The following TBC1D5 variants were observed in gnomAD, a reference collection of about 807,000 sequenced individuals.
TBC1D5 encodes TBC1 domain family, member 5.
Under a neutral mutation model 100.3 loss-of-function variants are expected in TBC1D5, and 75 were observed. The observed-to-expected ratio is 0.75, with a 90% confidence interval of 0.62 to 0.91. TBC1D5 has a LOEUF of 0.91. Among genes scored for constraint, TBC1D5 ranks in the 40% least tolerant of loss-of-function variants. TBC1D5 has a pLI of 0.00. For missense variants in TBC1D5, 910 were observed against 942.4 expected (o/e 0.97, Z 0.45); for synonymous variants, 323 against 325.6 (o/e 0.99, Z 0.09).
chr3:17,682,260 GAAA>G (rs543776515), intron 1 of TBC1D5, among the ~76,000 whole-genome samples: 87 of 151,026 alleles, frequency 5.8e-4, no homozygotes, highest in Non-Finnish European at 1.0e-3. Context: ...CCCATCTCTA[GAAA>G]AATAAAATAA....
chr3:17,455,192 GTATA>G lies in TBC1D5; in HGVS notation c.98-26677_98-26674del, dbSNP rs906425147. On this transcript the variant is annotated intron_variant, in intron 3 of 21. Transcript: ENST00000253692. Reference sequence around the variant, plus strand: ...CACACACACACACACACGTGTGTGTGTATATATATGTATATATGTATACATATAT... The same window carrying G: ...CACACACACACACACACGTGTGTGTGTATATGTATATATGTATACATATAT... 3.5e-5 allele frequency among the ~76,000 whole-genome samples: 5 copies of G among 141,902 alleles called. No homozygotes were observed. In the South Asian group the frequency reaches 1.1e-3, roughly 31 times the overall value. The allele number at this position is 141,902 out of a possible 152,430, so 93.1% of individuals were successfully genotyped here. A position where few individuals can be genotyped will look rare whatever the true frequency, so the allele number is the denominator to read the frequency against.
chr3:17,253,982 C>T (rs534866043), intron 16 of TBC1D5, among the ~76,000 whole-genome samples: 38 of 152,262 alleles, frequency 2.5e-4, no homozygotes, highest in Middle Eastern at 3.4e-3. Flanking sequence ...CTTAAGTACA[C>T]GTGGATTTGG....
At chr3:17,242,253 T>C (rs780701781) in intron 16 of TBC1D5, among the ~76,000 whole-genome samples, 1 of 152,170 alleles carries the variant, frequency 6.6e-6, no homozygotes, top group Non-Finnish European at 1.5e-5. Flanking sequence ...ATCACCTCTA[T>C]AAAAATTCTC....
At chr3:17,342,707 T>A (rs922633952) in intron 13 of TBC1D5, among the ~76,000 whole-genome samples, 1 of 152,128 alleles carries the variant, frequency 6.6e-6, no homozygotes, top group South Asian at 2.1e-4. Flanking sequence ...TGCCCAGAAA[T>A]TATTTTGGAT....
At chr3:17,336,645 G>C (rs1038708903) in intron 13 of TBC1D5, among the ~76,000 whole-genome samples, 1 of 151,532 alleles carries the variant, frequency 6.6e-6, no homozygotes, top group Non-Finnish European at 1.5e-5. Flanking sequence ...CCAGCAACCT[G>C]GAATTAAATA....
At chr3:17,236,264 A>G (rs2075842111) in intron 17 of TBC1D5, among the ~76,000 whole-genome samples, 1 of 152,210 alleles carries the variant, frequency 6.6e-6, no homozygotes, top group Non-Finnish European at 1.5e-5. Context: ...TAGAATTACA[A>G]CTGACTACAG....
At chr3:17,419,059 C>A (rs1483171233) in intron 4 of TBC1D5, among the ~76,000 whole-genome samples, 1 of 152,132 alleles carries the variant, frequency 6.6e-6, no homozygotes, top group Non-Finnish European at 1.5e-5. Flanking sequence ...GACAGATAAC[C>A]ATAAATAAAG....
At chr3:17,717,995 A>C (rs575696254) in intron 1 of TBC1D5, among the ~76,000 whole-genome samples, 1 of 152,306 alleles carries the variant, frequency 6.6e-6, no homozygotes, top group East Asian at 1.9e-4. Context: ...TGAAATGACA[A>C]GAGTGGTTTT....
At chr3:17,491,062 T>A (rs1477916494) in intron 3 of TBC1D5, among the ~76,000 whole-genome samples, 1 of 152,230 alleles carries the variant, frequency 6.6e-6, no homozygotes, top group Non-Finnish European at 1.5e-5. Context: ...TTTTATTATC[T>A]TGTTAGCAAT....
At chr3:17,725,258 T>C (rs1411607242) in intron 1 of TBC1D5, among the ~76,000 whole-genome samples, 1 of 152,230 alleles carries the variant, frequency 6.6e-6, no homozygotes, top group Non-Finnish European at 1.5e-5. Context: ...TTCATTTCTT[T>C]CTGTGAGGCA....
intron 18 of TBC1D5, among the ~76,000 whole-genome samples, chr3:17,192,846 C>T (rs929523569): frequency 6.6e-6 from 1 of 152,246 alleles, no homozygotes; most frequent in African/African-American, 2.4e-5. Flanking sequence ...TGCGGTGTCC[C>T]ACCGCTGACG....
At position 17,658,408 on chromosome 3, in the gene TBC1D5, T is replaced by C. The variant is rs1416863962; in HGVS notation, c.-100-34495A>G. 2.0e-5 allele frequency among the ~76,000 whole-genome samples: 3 copies of C among 152,174 alleles called. No individual in the cohort carries two copies. The East Asian group carries it at 5.8e-4, about 29-fold the overall frequency. The stretch of plus-strand genomic sequence containing the variant: ...GAACTTCAGAAGAAATTACAGTTGC[T>C]CTTAGTTAACAGCTCAGCAGTCCGA... On this transcript the variant is annotated intron_variant, in intron 1 of 21. Transcript: ENST00000253692.
At chr3:17,219,003 C>T (rs904227026) in intron 17 of TBC1D5, among the ~76,000 whole-genome samples, 9 of 151,616 alleles carry the variant, frequency 5.9e-5, no homozygotes, top group Non-Finnish European at 1.0e-4. Context: ...CTGCCCCTCT[C>T]TTTTCCTTCT....
chr3:17,330,400 G>T (rs1575370189), intron 13 of TBC1D5, among the ~76,000 whole-genome samples: 1 of 152,158 alleles, frequency 6.6e-6, no homozygotes, highest in Middle Eastern at 3.4e-3. Flanking sequence ...CTCAGTGGTT[G>T]CCCTCAATCA....
chr3:17,586,303 T>C (rs1292304210), intron 2 of TBC1D5: 3 of 152,302 alleles, frequency 2.0e-5, no homozygotes, highest in South Asian at 2.1e-4. Flanking sequence ...GGTAAGGGTA[T>C]TGAGAGTATT....
intron 13 of TBC1D5, among the ~76,000 whole-genome samples, chr3:17,317,938 T>C (rs931378909): frequency 6.6e-6 from 1 of 152,022 alleles, no homozygotes; most frequent in Non-Finnish European, 1.5e-5. Flanking sequence ...GTATGTTTAT[T>C]GCGGCACTAT....
intron 13 of TBC1D5, among the ~76,000 whole-genome samples, chr3:17,328,629 T>C (rs987761762): frequency 6.6e-6 from 1 of 152,204 alleles, no homozygotes; most frequent in African/African-American, 2.4e-5. Context: ...GCTGAGTTGC[T>C]AGCTTCTATT....
intron 17 of TBC1D5, 76 bp from the exon 18 acceptor site, chr3:17,233,826 G>T: frequency 2.5e-6 from 2 of 815,250 alleles, no homozygotes; most frequent in Non-Finnish European, 3.9e-6. Flanking sequence ...TATACTGAAT[G>T]TTCTAATACT....
chr3:17,276,420 T>TG (rs1161572472), intron 15 of TBC1D5, among the ~76,000 whole-genome samples: 1 of 152,116 alleles, frequency 6.6e-6, no homozygotes, highest in African/African-American at 2.4e-5. Flanking sequence ...GGGATCAACA[T>TG]GGGGGCATGA....
Sources: allele counts gnomAD v4.1 joint callset (sites outside exome capture counted in the v4.1 genomes callset), GRCh38; gene constraint gnomAD v4.1.1; transcripts MANE v1.5; gene names NCBI Gene and HGNC (gene_info 2026-07-23, HGNC 2026-07-21).